The following PLSCR2 variants were observed in gnomAD, a reference collection of about 807,000 sequenced individuals.
PLSCR2 encodes the protein PL scramblase 2.
A neutral mutation model predicts 25.3 loss-of-function variants in PLSCR2; 18 were observed. That is an observed-to-expected ratio of 0.71 (90% CI 0.49 to 1.06). PLSCR2 has a LOEUF of 1.06. Ranked by LOEUF, PLSCR2 falls within the 50% of genes least tolerant of loss-of-function variation. The pLI is 0.00. For synonymous variants in PLSCR2, 88 were observed against 87.3 expected, an observed-to-expected ratio of 1.01 and a Z score of -0.04; for missense variants, 243 against 269.5, an observed-to-expected ratio of 0.90 and a Z score of 0.69.
At chr3:146,410,749 G>T (rs2038819334) in intron 2 of PLSCR2, among the ~76,000 whole-genome samples, 1 of 152,182 alleles carries the variant, frequency 6.6e-6, no homozygotes, top group Non-Finnish European at 1.5e-5. Flanking sequence ...TGACCCTAGG[G>T]CATCTAAACA....
upstream of PLSCR2, chr3:146,461,753 C>A: frequency 1.4e-6 from 1 of 696,956 alleles, no homozygotes; most frequent in African/African-American, 1.8e-5. Context: ...ATGGTTGTCA[C>A]CAAAGCAATA....
At chr3:146,462,896 A>C (rs971068697), upstream of PLSCR2, among the ~76,000 whole-genome samples, 1 of 152,178 alleles carries the variant, frequency 6.6e-6, no homozygotes, top group Non-Finnish European at 1.5e-5. Flanking sequence ...TGCACAATCT[A>C]AATGAAGTGT....
chr3:146,490,728 G>A (rs372080533), intron 1 of PLSCR2, among the ~76,000 whole-genome samples: 390 of 152,076 alleles, frequency 2.6e-3, no homozygotes, highest in African/African-American at 8.0e-3. Flanking sequence ...TCTACCTTGC[G>A]CTTGTGGGTG....
intron 1 of PLSCR2, among the ~76,000 whole-genome samples, chr3:146,468,572 G>GCCAGGCACTCC (rs1447511289): frequency 5.5e-4 from 84 of 152,318 alleles, no homozygotes; most frequent in Admixed American, 1.0e-3. Context: ...AGTACTTTCT[G>GCCAGGCACTCC]TAGTGCCAGG....
intron 1 of PLSCR2, among the ~76,000 whole-genome samples, chr3:146,469,890 C>T (rs574356405): frequency 2.6e-5 from 4 of 151,992 alleles, no homozygotes; most frequent in South Asian, 4.2e-4. Flanking sequence ...AACGTTTCTC[C>T]GGTGGTTAAG....
chr3:146,454,137 T>C (rs766904693), exon 5 of PLSCR2: 39 of 1,596,624 alleles, frequency 2.4e-5, no homozygotes, highest in Non-Finnish European at 3.0e-5. Context: ...AACCTACTGG[T>C]ACACCAGGAG....
intron 2 of PLSCR2, among the ~76,000 whole-genome samples, chr3:146,415,474 AT>A (rs1354275878): frequency 1.3e-5 from 2 of 152,054 alleles, no homozygotes; most frequent in Non-Finnish European, 2.9e-5. Context: ...TATTATAAAT[AT>A]TTTTGAAATT....
chr3:146,495,483 T>C (rs2043713670), intron 1 of PLSCR2, among the ~76,000 whole-genome samples: 1 of 152,162 alleles, frequency 6.6e-6, no homozygotes, highest in South Asian at 2.1e-4. Context: ...TTTTAGGAAG[T>C]AGGGCTTTTG....
chr3:146,479,463 T>C (rs1340780327), intron 1 of PLSCR2, among the ~76,000 whole-genome samples: 7 of 152,186 alleles, frequency 4.6e-5, no homozygotes, highest in South Asian at 4.1e-4. Context: ...TAAAACAGAA[T>C]TTAAACCAAC....
At chr3:146,436,398 G>A (rs1251768767) in intron 8 of PLSCR2, among the ~76,000 whole-genome samples, 14 of 152,160 alleles carry the variant, frequency 9.2e-5, no homozygotes, top group Middle Eastern at 3.4e-3. Flanking sequence ...GATTCTTCCT[G>A]TCCATGAGCA....
At chr3:146,485,170 C>T (rs141030485) in intron 1 of PLSCR2, among the ~76,000 whole-genome samples, 30 of 150,064 alleles carry the variant, frequency 2.0e-4, no homozygotes, top group African/African-American at 7.1e-4. Context: ...ACAAAACAGA[C>T]TTTAAACCAA....
chr3:146,453,196 T>C (rs1576663087), intron 5 of PLSCR2, among the ~76,000 whole-genome samples: 2 of 152,236 alleles, frequency 1.3e-5, no homozygotes, highest in East Asian at 3.9e-4. Context: ...CTTAGGAAGA[T>C]GTGGGGACAC....
intron 2 of PLSCR2, among the ~76,000 whole-genome samples, chr3:146,413,224 C>G (rs767697790): frequency 1.2e-4 from 18 of 152,078 alleles, no homozygotes; most frequent in Non-Finnish European, 2.4e-4. Context: ...CTCTGAAATG[C>G]CTTCAAGGCC....
At chr3:146,430,356 G>C (rs2108119158), downstream of PLSCR2, among the ~76,000 whole-genome samples, 1 of 152,214 alleles carries the variant, frequency 6.6e-6, no homozygotes, top group East Asian at 1.9e-4. Context: ...GAAAGAGATA[G>C]GGCCAGGTGC....
chr3:146,443,969 A>G (rs751202156), intron 6 of PLSCR2, among the ~76,000 whole-genome samples: 29 of 151,682 alleles, frequency 1.9e-4, no homozygotes, highest in Non-Finnish European at 3.8e-4. Flanking sequence ...TTCCATTACC[A>G]TTTGTTTCAA....
chr3:146,436,181 T>C (rs1456435331), intron 8 of PLSCR2, among the ~76,000 whole-genome samples: 1 of 152,212 alleles, frequency 6.6e-6, no homozygotes, highest in Non-Finnish European at 1.5e-5. Context: ...TGTAGCCTTG[T>C]AGTATAGTTT....
At chr3:146,442,384 A>G (rs59605619) in intron 6 of PLSCR2, among the ~76,000 whole-genome samples, 12,170 of 152,066 alleles carry the variant, frequency 0.08, 614 homozygotes, top group African/African-American at 0.13. Context: ...TGTCCATACT[A>G]CTGAAAGGGA....
intron 3 of PLSCR2, among the ~76,000 whole-genome samples, chr3:146,456,179 G>A (rs913707183): frequency 4.6e-5 from 7 of 152,282 alleles, no homozygotes; most frequent in Admixed American, 4.6e-4. Context: ...ACCTCTTCAT[G>A]AGGAAAACAG....
At chr3:146,456,688 G>A (rs2041241262) in intron 3 of PLSCR2, among the ~76,000 whole-genome samples, 1 of 152,024 alleles carries the variant, frequency 6.6e-6, no homozygotes, top group African/African-American at 2.4e-5. Flanking sequence ...TTCAGTCGTG[G>A]TAAGGTATAA....
Sources: gnomAD v4.1 joint callset for allele counts (sites outside exome capture counted in the v4.1 genomes callset) on GRCh38, gnomAD v4.1.1 for gene constraint, MANE v1.5 for transcripts, NCBI Gene and HGNC (gene_info 2026-07-23, HGNC 2026-07-21) for gene names.